PRIMA1: variants seen among roughly 807,000 people sequenced by gnomAD.
The protein encoded by PRIMA1 is proline rich membrane anchor 1, also known as proline-rich membrane anchor 1.
A neutral mutation model predicts 17.5 loss-of-function variants in PRIMA1; 7 were observed. The observed-to-expected ratio is 0.40, with a 90% confidence interval of 0.23 to 0.75. The LOEUF (loss-of-function observed/expected upper bound fraction) is 0.75, where lower values mean the gene tolerates loss of function less well. Among genes scored for constraint, PRIMA1 ranks in the 30% least tolerant of loss-of-function variants. The pLI is 0.37. For synonymous variants in PRIMA1, 97 were observed against 77.9 expected (o/e 1.25, Z -1.29); for missense variants, 200 against 201.8 (o/e 0.99, Z 0.05).
chr14:93,750,273 T>C (rs1483923288), intron 3 of PRIMA1, among the ~76,000 whole-genome samples: 2 of 152,062 alleles, frequency 1.3e-5, no homozygotes, highest in African/African-American at 4.8e-5. Context: ...TGCACACCTG[T>C]AGTCCCAGCT....
At chr14:93,747,992 G>A (rs2076234596) in intron 3 of PRIMA1, among the ~76,000 whole-genome samples, 1 of 150,774 alleles carries the variant, frequency 6.6e-6, no homozygotes, top group African/African-American at 2.4e-5. Flanking sequence ...TTGGGACTGA[G>A]TGGGAGAGTG....
At chr14:93,784,855 G>A (rs979111387) in intron 2 of PRIMA1, among the ~76,000 whole-genome samples, 3 of 152,146 alleles carry the variant, frequency 2.0e-5, no homozygotes, top group Non-Finnish European at 4.4e-5. Flanking sequence ...TCAGTGCCAC[G>A]AGGGAAGAGG....
chr14:93,763,779 CCCCA>C (rs1473143573), intron 3 of PRIMA1, among the ~76,000 whole-genome samples: 1 of 152,052 alleles, frequency 6.6e-6, no homozygotes, highest in African/African-American at 2.4e-5. Flanking sequence ...CTGGCTCAGT[CCCCA>C]CCGTCTCTTC....
intron 2 of PRIMA1, among the ~76,000 whole-genome samples, chr14:93,782,938 T>C (rs1885423400): frequency 6.6e-6 from 1 of 152,200 alleles, no homozygotes. Flanking sequence ...GATTTCTCTC[T>C]CTCCTTTTTT....
At chr14:93,757,195 A>T (rs2076296354) in intron 3 of PRIMA1, among the ~76,000 whole-genome samples, 1 of 143,454 alleles carries the variant, frequency 7.0e-6, no homozygotes, top group Non-Finnish European at 1.5e-5. Flanking sequence ...ACGTGGGTTT[A>T]AAAAAAGGAA....
At chr14:93,785,687 T>TC (rs1253184745) in intron 2 of PRIMA1, among the ~76,000 whole-genome samples, 2 of 152,216 alleles carry the variant, frequency 1.3e-5, no homozygotes, top group African/African-American at 4.8e-5. Flanking sequence ...TAAAGCCAGA[T>TC]CCATTCATTC....
intron 3 of PRIMA1, among the ~76,000 whole-genome samples, chr14:93,765,212 T>C (rs1884851360): frequency 6.6e-6 from 1 of 152,000 alleles, no homozygotes; most frequent in African/African-American, 2.4e-5. Flanking sequence ...TCTTACAAAA[T>C]GTAAGCCCCC....
intron 4 of PRIMA1, among the ~76,000 whole-genome samples, chr14:93,724,593 G>T (rs1363198326): frequency 6.6e-6 from 1 of 152,214 alleles, no homozygotes; most frequent in East Asian, 1.9e-4. Flanking sequence ...ATTTGTGGGG[G>T]TGACATTTTC....
At chr14:93,779,118 T>C (rs1885306116) in intron 3 of PRIMA1, 58 bp downstream of exon 3, 2 of 1,319,408 alleles carry the variant, frequency 1.5e-6, no homozygotes, top group Admixed American at 3.0e-5. Flanking sequence ...TCAGTGGATC[T>C]TCGTGGGCCT....
At position 93,726,265 on chromosome 14, in the gene PRIMA1, C is replaced by A. The variant is rs1352811174; in HGVS notation, c.360-4719G>T. ...GGCAAGGAGGGCCAGGACCCAGGTA[C>A]CCCTCTTAGGCCCTGCTGATCATGA... On this transcript the variant is annotated intron_variant, in intron 4 of 4. Transcript: ENST00000393140. The surrounding 1 kb of genome is among the most constrained non-coding windows in gnomAD (Gnocchi z 4.2). 1.3e-5 allele frequency among the ~76,000 whole-genome samples: 2 copies of A among 152,184 alleles called. No individual in the cohort carries two copies. The highest frequency in any genetic ancestry group is 4.8e-5 in the African/African-American group (2 of 41,430).
At chr14:93,785,092 C>A (rs1419008511) in intron 2 of PRIMA1, among the ~76,000 whole-genome samples, 1 of 148,452 alleles carries the variant, frequency 6.7e-6, no homozygotes, top group African/African-American at 2.5e-5. Context: ...TGGCTTCTGG[C>A]ATCTTTCATG....
intron 3 of PRIMA1, among the ~76,000 whole-genome samples, chr14:93,761,631 T>C (rs1260669048): frequency 1.3e-5 from 2 of 152,188 alleles, no homozygotes; most frequent in Non-Finnish European, 2.9e-5. Flanking sequence ...GAGACCTTCC[T>C]GGGCATGCCT....
intron 4 of PRIMA1, among the ~76,000 whole-genome samples, chr14:93,722,712 T>G (rs2076049030): frequency 6.6e-6 from 1 of 150,462 alleles, no homozygotes; most frequent in Non-Finnish European, 1.5e-5. Context: ...TAGTGGTGGT[T>G]AGCGTAATGG....
rs185525697 is a variant in PRIMA1, at chr14:93,720,987, G to T, written c.*457C>A. On this transcript the variant is annotated 3_prime_UTR_variant, in exon 5 of 5. Transcript: ENST00000393140. Reference sequence around the variant, plus strand: ...TGGCTGTGCCGATGGCTTCTGTTGAGAATGTGAACAGTGGAGCAGGCAGGC... The same window carrying T: ...TGGCTGTGCCGATGGCTTCTGTTGATAATGTGAACAGTGGAGCAGGCAGGC... 3.6e-4 allele frequency: 58 copies of T among 161,996 alleles called. 1 individual carries two copies. In the East Asian group the frequency reaches 0.01, roughly 29 times the overall value. The allele number at this position is 161,996 out of a possible 1,614,324, so 10.0% of individuals were successfully genotyped here.
chr14:93,762,611 T>G (rs1884767532), intron 3 of PRIMA1, among the ~76,000 whole-genome samples: 1 of 151,934 alleles, frequency 6.6e-6, no homozygotes, highest in Admixed American at 6.6e-5. Context: ...GTCCCCCAAG[T>G]CACTGTGGCA....
chr14:93,787,638 C>G lies in PRIMA1; in HGVS notation c.81G>C (p.Trp27Cys), dbSNP rs2141200890. 6 of 1,542,080 alleles carry G rather than the reference C, an allele frequency of 3.9e-6. No homozygotes were observed. The East Asian group carries it at 1.2e-4, about 31-fold the overall frequency. Reference protein sequence around the residue: ...LLLHCALHPLWGFVQVTHGEP... With the variant: ...LLLHCALHPLCGFVQVTHGEP... ...CGGCGCGTCTCACCTGCACGAAGCC[C>G]CAGAGCGGGTGGAGCGCGCAGTGCA... is the stretch of plus-strand genomic sequence containing the variant. The change falls in exon 2 of 5, where the codon TGG becomes TGC. Residue 27 changes from tryptophan to cysteine, a missense_variant. Transcript: ENST00000393140.
At chr14:93,787,499 T>C in intron 2 of PRIMA1, 127 bp downstream of exon 2, 1 of 1,389,048 alleles carries the variant, frequency 7.2e-7, no homozygotes. Context: ...CAGCTTTTCT[T>C]TTCCCAAGCT....
Position 93,732,583 on chromosome 14 carries a change from C to T in PRIMA1, c.359+4658G>A, listed in dbSNP as rs138495716. On this transcript the variant is annotated intron_variant, in intron 4 of 4. Transcript: ENST00000393140. Reference sequence around the variant, plus strand: ...TGTGCAGCATGGGCAGGGACTGTGCCGGTGGTGCCCACTCCTGTAGCCCAG... The same window carrying T: ...TGTGCAGCATGGGCAGGGACTGTGCTGGTGGTGCCCACTCCTGTAGCCCAG... Among the ~76,000 whole-genome samples, 520 of 152,346 alleles carry T rather than the reference C, an allele frequency of 3.4e-3. 6 individuals carry two copies. Among genetic ancestry groups the T allele is most frequent in the African/African-American group, 0.012 (497 of 41,586 alleles).
intron 4 of PRIMA1, among the ~76,000 whole-genome samples, chr14:93,731,714 T>C (rs561128419): frequency 4.7e-4 from 72 of 152,212 alleles, no homozygotes; most frequent in Non-Finnish European, 9.8e-4. Context: ...TGTGTGTGCT[T>C]AATCTGCCTC....
Sources: allele counts gnomAD v4.1 joint callset (sites outside exome capture counted in the v4.1 genomes callset), GRCh38; gene constraint gnomAD v4.1.1; non-coding constraint Gnocchi (gnomAD v3.1); transcripts MANE v1.5; gene names NCBI Gene and HGNC (gene_info 2026-07-23, HGNC 2026-07-21).